The following PRTG variants were observed in gnomAD, a reference collection of about 807,000 sequenced individuals.
PRTG encodes protogenin.
A neutral mutation model predicts 122.5 loss-of-function variants in PRTG; 67 were observed. The observed-to-expected ratio is 0.55, with a 90% CI of 0.45 to 0.67. The LOEUF (loss-of-function observed/expected upper bound fraction) is 0.67. Ranked by LOEUF, PRTG falls within the 30% of genes least tolerant of loss-of-function variation. The pLI, the probability that PRTG is intolerant of heterozygous loss-of-function variation, is 0.00. For synonymous variants in PRTG, 554 were observed against 501.1 expected, an observed-to-expected ratio of 1.11 and a Z score of -1.41; for missense variants, 1,435 against 1,415.4, an observed-to-expected ratio of 1.01 and a Z score of -0.22.
rs191414814 is a variant in PRTG at position 55,719,720 on chromosome 15, G to A, written c.397+20662C>T. Among the ~76,000 whole-genome samples, 347 of 152,248 alleles carry A rather than the reference G, an allele frequency of 2.3e-3. 2 individuals carry two copies. Among genetic ancestry groups the A allele is most frequent in the African/African-American group, 8.2e-3 (339 of 41,546 alleles). On this transcript the variant is annotated intron_variant, in intron 2 of 19. Transcript: ENST00000389286. ...AATATTTGGGCAATATTAAAACAAT[G>A]AGAAATTGTCTCACTTAAGTTTTAG...
At chr15:55,730,253 C>T (rs940736915) in intron 2 of PRTG, among the ~76,000 whole-genome samples, 1 of 151,950 alleles carries the variant, frequency 6.6e-6, no homozygotes, top group Admixed American at 6.6e-5. Flanking sequence ...AGGTACTTGC[C>T]ACCACGCCCA....
At position 55,743,043 on chromosome 15, in the gene PRTG, C is replaced by A. The variant is rs114861116; in HGVS notation, c.-112G>T. ...GCTGGTCGCACGCAGCCTGGCTCCC[C>A]GCTCCGGCTCCGGCACCGGCGTGGC... On this transcript the variant is annotated 5_prime_UTR_variant, in exon 1 of 20. Coordinates refer to ENST00000389286, the MANE Select transcript of PRTG (RefSeq NM_173814.6). 7.6e-7 allele frequency: 1 copy of A among 1,310,156 alleles called. No individual in the cohort carries two copies. Among genetic ancestry groups the A allele is most frequent in the Non-Finnish European group, 9.7e-7 (1 of 1,033,790 alleles). The allele number at this position is 1,310,156 out of a possible 1,614,324, so 81.2% of individuals were successfully genotyped here. A position where few individuals can be genotyped will look rare whatever the true frequency, so the allele number is the denominator to read the frequency against.
rs2059540940 is a variant in PRTG, at chr15:55,681,962, G to C, written c.676+402C>G. ...AAAAATACACAAATTTTAAAATATA[G>C]TATAACAATGATTTACATAGAATTT... On this transcript the variant is annotated intron_variant, in intron 4 of 19. Transcript: ENST00000389286. Among the ~76,000 whole-genome samples the C allele has an allele frequency of 3.3e-5, 5 of 152,148 alleles. No individual in the cohort carries two copies. In the South Asian group the frequency reaches 1.0e-3, roughly 32 times the overall value.
At position 55,616,776 on chromosome 15, in the gene PRTG, T is replaced by C. The variant is rs1293039411; in HGVS notation, c.*3236A>G. ...ATAAAAACACTGATAAATACCAATATAATTGTATTGCTTTTAATTATGTAA... is the reference window on the plus strand; with the variant it reads ...ATAAAAACACTGATAAATACCAATACAATTGTATTGCTTTTAATTATGTAA... On this transcript the variant is annotated 3_prime_UTR_variant, in exon 20 of 20. Coordinates refer to ENST00000389286, the MANE Select transcript of PRTG (RefSeq NM_173814.6). 6.6e-6 allele frequency: 1 copy of C among 152,158 alleles called. No individual in the cohort carries two copies. The highest frequency in any genetic ancestry group is 1.5e-5 in the Non-Finnish European group (1 of 67,988). The allele number at this position is 152,158 out of a possible 1,614,324, so 9.4% of individuals were successfully genotyped here.
intron 2 of PRTG, among the ~76,000 whole-genome samples, chr15:55,701,857 C>T (rs1293555627): frequency 6.6e-6 from 1 of 152,132 alleles, no homozygotes; most frequent in Non-Finnish European, 1.5e-5. Flanking sequence ...CAGAAGGTTA[C>T]ATAATATATA....
At chr15:55,634,716 C>T (rs1197804312) in intron 15 of PRTG, among the ~76,000 whole-genome samples, 3 of 151,934 alleles carry the variant, frequency 2.0e-5, no homozygotes. Context: ...ATGGCGTGTG[C>T]CTGTAGTCCC....
At chr15:55,674,217 C>A (rs79485212) in intron 9 of PRTG, among the ~76,000 whole-genome samples, 3,075 of 152,278 alleles carry the variant, frequency 0.02, 51 homozygotes, top group Non-Finnish European at 0.033. Flanking sequence ...AATACAGTGA[C>A]AGGTGGTCTA....
At chr15:55,738,466 C>T in intron 2 of PRTG, 1 of 700,902 alleles carries the variant, frequency 1.4e-6, no homozygotes, top group Non-Finnish European at 2.6e-6. Context: ...TTCTCATGGC[C>T]TATCTGGCCA....
intron 11 of PRTG, among the ~76,000 whole-genome samples, chr15:55,664,207 T>C (rs2059425360): frequency 6.6e-6 from 1 of 152,032 alleles, no homozygotes; most frequent in African/African-American, 2.4e-5. Flanking sequence ...AATGGCGCAA[T>C]CTCAGCTTAC....
chr15:55,628,470 C>G (rs2059207888), intron 16 of PRTG, among the ~76,000 whole-genome samples: 1 of 151,728 alleles, frequency 6.6e-6, no homozygotes, highest in Non-Finnish European at 1.5e-5. Context: ...CTCTTCTTAA[C>G]TTGAACACCA....
chr15:55,660,234 G>A (rs1009743493), intron 11 of PRTG, among the ~76,000 whole-genome samples: 3 of 152,034 alleles, frequency 2.0e-5, no homozygotes, highest in Admixed American at 1.3e-4. Flanking sequence ...TTTCATGTGC[G>A]TTAAGTTTTT....
At chr15:55,714,493 A>G (rs1251533478) in intron 2 of PRTG, among the ~76,000 whole-genome samples, 2 of 151,714 alleles carry the variant, frequency 1.3e-5, no homozygotes, top group African/African-American at 4.8e-5. Flanking sequence ...AGCCTCCCTA[A>G]GTGTTGGGAT....
chr15:55,716,907 C>T (rs530670397), intron 2 of PRTG, among the ~76,000 whole-genome samples: 14 of 152,208 alleles, frequency 9.2e-5, no homozygotes, highest in South Asian at 2.1e-4. Flanking sequence ...AAATTCAAAA[C>T]GCCATTATCA....
intron 1 of PRTG, among the ~76,000 whole-genome samples, chr15:55,741,505 C>A (rs1186884839): frequency 2.6e-5 from 4 of 152,226 alleles, no homozygotes; most frequent in Non-Finnish European, 5.9e-5. Context: ...TTATCCTAAG[C>A]ATATACACAT....
intron 12 of PRTG, among the ~76,000 whole-genome samples, chr15:55,640,546 A>G (rs2059283793): frequency 6.6e-6 from 1 of 152,240 alleles, no homozygotes; most frequent in South Asian, 2.1e-4. Context: ...GTGAACAGCA[A>G]TTGGAGAGAA....
chr15:55,672,699 G>A, intron 10 of PRTG, 66 bp from the exon 11 acceptor site: 4 of 1,200,606 alleles, frequency 3.3e-6, no homozygotes, highest in South Asian at 1.8e-5. Flanking sequence ...CACAGAATAG[G>A]GTAGTTCTCT....
chr15:55,647,816 G>T (rs1177790790), intron 11 of PRTG, among the ~76,000 whole-genome samples: 1 of 152,126 alleles, frequency 6.6e-6, no homozygotes, highest in African/African-American at 2.4e-5. Context: ...CAGAATATCC[G>T]CAAATTAGCA....
intron 11 of PRTG, among the ~76,000 whole-genome samples, chr15:55,671,057 T>C (rs2059467924): frequency 6.6e-6 from 1 of 151,934 alleles, no homozygotes; most frequent in Admixed American, 6.6e-5. Context: ...ACCAACATAA[T>C]GAGATTATAA....
At chr15:55,720,640 G>T (rs2030780603) in intron 2 of PRTG, among the ~76,000 whole-genome samples, 1 of 152,054 alleles carries the variant, frequency 6.6e-6, no homozygotes, top group Admixed American at 6.5e-5. Context: ...CATGCTGCTT[G>T]CTCTGTATGC....
Sources: gnomAD v4.1 joint callset for allele counts (sites outside exome capture counted in the v4.1 genomes callset) on GRCh38, gnomAD v4.1.1 for gene constraint, MANE v1.5 for transcripts, NCBI Gene and HGNC (gene_info 2026-07-23, HGNC 2026-07-21) for gene names.